Variants in ZNF316 observed in about 807,000 individuals in gnomAD.
The protein encoded by ZNF316 is zinc finger protein 316.
ZNF316 carries 23 observed loss-of-function variants against 75.6 expected under a neutral mutation model. The observed-to-expected ratio is 0.30, with a 90% CI of 0.22 to 0.43. The LOEUF (loss-of-function observed/expected upper bound fraction) is 0.43. ZNF316 is among the 20% of genes least tolerant of loss of function. The pLI is 1.00. For synonymous variants in ZNF316, 827 were observed against 666.2 expected (o/e 1.24, Z -3.72); for missense variants, 1,266 against 1,409.4 (o/e 0.90, Z 1.63).
intron 8 of ZNF316, among the ~76,000 whole-genome samples, chr7:6,649,895 G>A (rs1352135817): frequency 1.3e-5 from 2 of 152,200 alleles, no homozygotes; most frequent in African/African-American, 4.8e-5. Flanking sequence ...AGGATTCCCT[G>A]CTGCGATCAG....
intron 8 of ZNF316, among the ~76,000 whole-genome samples, chr7:6,647,385 C>T (rs770936001): frequency 6.6e-6 from 1 of 152,262 alleles, no homozygotes; most frequent in African/African-American, 2.4e-5. Flanking sequence ...ATCCCCCTGA[C>T]AGTTTGCAGA....
chr7:6,657,371 T>C lies in ZNF316; in HGVS notation c.*2760T>C, dbSNP rs1346479866. ...ATAGTGGTATGCATCTGTAGTCCCA[T>C]CTACTTGGGAGGCTGAGGTGGGAGG... On this transcript the variant is annotated 3_prime_UTR_variant, in exon 9 of 9. Transcript: ENST00000382252. Among the ~76,000 whole-genome samples, 1 of 142,312 alleles carries C rather than the reference T, an allele frequency of 7.0e-6. No homozygotes were observed. Among genetic ancestry groups the C allele is most frequent in the Non-Finnish European group, 1.5e-5 (1 of 65,320 alleles). 93.4% of individuals were successfully genotyped at this position (142,312 alleles called of 152,430 possible). A position where few individuals can be genotyped will look rare whatever the true frequency, so the allele number is the denominator to read the frequency against.
intron 2 of ZNF316, 35 bp downstream of exon 2, chr7:6,638,044 G>C (rs1200139724): frequency 1.3e-5 from 2 of 152,524 alleles, no homozygotes; most frequent in East Asian, 3.9e-4. Context: ...GATTGGATGG[G>C]GTCTGGGCTG....
rs1779630761 is a variant in ZNF316, at chr7:6,656,534, TTTTCTC to T, written c.*1927_*1932del. ...GTTTCTGCAAACATTTTTTAAAAGA[TTTTCTC>T]TTTTAAGAAATTAGAATGGGTCCTA... On this transcript the variant is annotated 3_prime_UTR_variant, in exon 9 of 9. Coordinates refer to ENST00000382252, the MANE Select transcript of ZNF316 (RefSeq NM_001278559.2). 1 of 152,252 alleles carries T rather than the reference TTTTCTC, an allele frequency of 6.6e-6. No homozygotes were observed. The highest frequency in any genetic ancestry group is 2.1e-4 in the South Asian group (1 of 4,836). The allele number at this position is 152,252 out of a possible 1,614,324, so 9.4% of individuals were successfully genotyped here.
chr7:6,646,567 C>T (rs531027709), intron 8 of ZNF316, among the ~76,000 whole-genome samples: 1 of 152,198 alleles, frequency 6.6e-6, no homozygotes, highest in Non-Finnish European at 1.5e-5. Context: ...GTGCCTCCTG[C>T]ATCCCCTGCG....
intron 8 of ZNF316, among the ~76,000 whole-genome samples, chr7:6,648,941 T>TG (rs1562582025): frequency 6.6e-6 from 1 of 151,960 alleles, no homozygotes; most frequent in African/African-American, 2.4e-5. Context: ...TGGAGGGAGG[T>TG]GGGGGGATCG....
At position 6,653,319 on chromosome 7, in the gene ZNF316, G is replaced by C; in HGVS notation, c.1723G>C (p.Glu575Gln). 11 of 1,226,786 alleles carry C rather than the reference G, an allele frequency of 9.0e-6. No homozygotes were observed. Among genetic ancestry groups the C allele is most frequent in the Non-Finnish European group, 1.0e-5 (10 of 985,326 alleles). The allele number at this position is 1,226,786 out of a possible 1,614,324, so 76.0% of individuals were successfully genotyped here. A position where few individuals can be genotyped will look rare whatever the true frequency, so the allele number is the denominator to read the frequency against. Reference sequence around the variant, plus strand: ...CAGCGGCAAGGTGGACCCCGCGCCGGAACGGCGCTTCCTGGAGCTGGGCAA... The same window carrying C: ...CAGCGGCAAGGTGGACCCCGCGCCGCAACGGCGCTTCCTGGAGCTGGGCAA... The part of the protein sequence containing the change: ...TPSGKVDPAP[E>Q]RRFLELGNGL... Residue 575 changes from glutamate (E) to glutamine (Q), a missense_variant, in exon 9 of 9, where the codon GAA becomes CAA. Physicochemically the swap from Glu to Gln is conservative, Grantham distance 29. Transcript: ENST00000382252.
chr7:6,652,606 C>T lies in ZNF316; in HGVS notation c.1010C>T (p.Ala337Val), dbSNP rs922155577. ...LSPWAFPAAV[A>V]PPAGRPETTC... is the part of the protein sequence containing the mutation. ...CCCTGGGCGTTCCCCGCCGCAGTGGCCCCGCCGGCCGGGAGGCCGGAGACC... is the reference window on the plus strand; with the variant it reads ...CCCTGGGCGTTCCCCGCCGCAGTGGTCCCGCCGGCCGGGAGGCCGGAGACC... Residue 337 changes from alanine to valine, a missense_variant, in exon 9 of 9, where the codon GCC (alanine) becomes GTC (valine). This residue lies in a region of ZNF316 where 961 missense variants were observed against 990.9 expected (regional missense o/e 0.97). Transcript: ENST00000382252. 4.1e-6 allele frequency: 5 copies of T among 1,230,328 alleles called. No homozygotes were observed. The highest frequency in any genetic ancestry group is 3.1e-5 in the African/African-American group (2 of 64,346). The allele number at this position is 1,230,328 out of a possible 1,614,324, so 76.2% of individuals were successfully genotyped here.
In ZNF316 at chr7:6,653,532, A is replaced by C; in HGVS notation, c.1936A>C (p.Thr646Pro). Reference protein sequence around the residue: ...LGGPLSLVEGTGLACDPFGGG... With the variant: ...LGGPLSLVEGPGLACDPFGGG... ...GGGCCCGCTCTCCCTGGTGGAGGGTACCGGGCTGGCGTGCGACCCTTTCGG... is the reference window on the plus strand; with the variant it reads ...GGGCCCGCTCTCCCTGGTGGAGGGTCCCGGGCTGGCGTGCGACCCTTTCGG... The change falls in exon 9 of 9, where the codon ACC (threonine) becomes CCC (proline). Residue 646 changes from threonine (T) to proline (P), a missense_variant. By Grantham distance (38) the Thr-to-Pro change is conservative (BLOSUM62 -1). Coordinates refer to ENST00000382252, the MANE Select transcript of ZNF316 (RefSeq NM_001278559.2). The C allele has an allele frequency of 8.2e-7, 1 of 1,214,498 alleles. No homozygotes were observed. 75.2% of individuals were successfully genotyped at this position (1,214,498 alleles called of 1,614,324 possible).
In ZNF316 at chr7:6,638,466, G is replaced by A. The variant is rs115416131; in HGVS notation, c.-267+457G>A. Among the ~76,000 whole-genome samples, 774 of 152,334 alleles carry A rather than the reference G, an allele frequency of 5.1e-3. 3 individuals carry two copies. Among genetic ancestry groups the A allele is most frequent in the African/African-American group, 0.017 (708 of 41,560 alleles). On this transcript the variant is annotated intron_variant, in intron 2 of 8. Transcript: ENST00000382252. ...CACACCCCCACATCTCCCGCTCTCT[G>A]AGTTGGGTTTCCCTGGCTTTGGAGC...
intron 8 of ZNF316, among the ~76,000 whole-genome samples, chr7:6,647,950 C>A (rs1338916692): frequency 1.3e-5 from 2 of 152,200 alleles, no homozygotes; most frequent in African/African-American, 4.8e-5. Context: ...GTGCCCAGGG[C>A]AGGGCACTTA....
chr7:6,649,176 C>G (rs1015404147), intron 8 of ZNF316, among the ~76,000 whole-genome samples: 1 of 152,188 alleles, frequency 6.6e-6, no homozygotes, highest in East Asian at 1.9e-4. Flanking sequence ...ATCGGCCTCT[C>G]CTTTTTATCA....
intron 8 of ZNF316, among the ~76,000 whole-genome samples, chr7:6,652,075 C>A (rs1008610521): frequency 6.6e-6 from 1 of 152,156 alleles, no homozygotes; most frequent in African/African-American, 2.4e-5. Flanking sequence ...TGCTGCGTGT[C>A]CCCAGGTTCC....
At chr7:6,648,834 T>C (rs1779455214) in intron 8 of ZNF316, among the ~76,000 whole-genome samples, 1 of 138,890 alleles carries the variant, frequency 7.2e-6, no homozygotes, top group South Asian at 2.8e-4. Context: ...AGGGGAGTAG[T>C]GAGCCTTGAG....
chr7:6,649,860 C>T (rs919539666), intron 8 of ZNF316, among the ~76,000 whole-genome samples: 2 of 152,166 alleles, frequency 1.3e-5, no homozygotes, highest in African/African-American at 4.8e-5. Flanking sequence ...GGGATGGGGG[C>T]TCCCTGCCTA....
rs1316828038 is a variant in ZNF316, at chr7:6,653,613, G to A, written c.2017G>A (p.Gly673Arg). 2 of 1,061,928 alleles carry A rather than the reference G, an allele frequency of 1.9e-6. No homozygotes were observed. The highest frequency in any genetic ancestry group is 1.7e-5 in the African/African-American group (1 of 57,958). 65.8% of individuals were successfully genotyped at this position (1,061,928 alleles called of 1,614,324 possible). Residue 673 changes from glycine to arginine, a missense_variant, in exon 9 of 9, where the codon GGG (glycine) becomes AGG (arginine). Around this residue, in one of 3 missense-constraint regions of ZNF316, gnomAD observed 961 missense variants for 990.9 expected, o/e 0.97. Coordinates refer to ENST00000382252, the MANE Select transcript of ZNF316 (RefSeq NM_001278559.2). The part of the protein sequence containing the change: ...GGLRAFGPAI[G>R]GLLAEPAPAA... ...CCTGCGCGCGTTCGGGCCCGCCATCGGGGGTCTGCTGGCGGAGCCCGCGCC... is the reference window on the plus strand; with the variant it reads ...CCTGCGCGCGTTCGGGCCCGCCATCAGGGGTCTGCTGGCGGAGCCCGCGCC...
Position 6,653,750 on chromosome 7 carries a change from G to T in ZNF316, c.2154G>T (p.Pro718=), listed in dbSNP as rs1779564268. 1 of 1,093,782 alleles carries T rather than the reference G, an allele frequency of 9.1e-7. No homozygotes were observed. The highest frequency in any genetic ancestry group is 1.1e-6 in the Non-Finnish European group (1 of 898,046). The allele number at this position is 1,093,782 out of a possible 1,614,324, so 67.8% of individuals were successfully genotyped here. Residue 718 remains proline, a synonymous_variant, in exon 9 of 9, where the codon CCG becomes CCT. Transcript: ENST00000382252. ...AGCGCTACCACGCGGGCGAGCGGCC[G>T]CATCGCTGCGCCGACTGCGGCAAGA... ...KHQRYHAGER[P]HRCADCGKSF...
rs528735299 is a variant in ZNF316, at chr7:6,658,140, C to G, written c.*3529C>G. Among the ~76,000 whole-genome samples the G allele has an allele frequency of 9.2e-5, 14 of 152,260 alleles. No individual in the cohort carries two copies. Among genetic ancestry groups the G allele is most frequent in the African/African-American group, 3.1e-4 (13 of 41,556 alleles). On this transcript the variant is annotated 3_prime_UTR_variant, in exon 9 of 9. Transcript: ENST00000382252. ...AACCTCCTTCCTTTTCTGATTCATT[C>G]CTTTTATCCTGATCTTTTCACTTAA...
At chr7:6,646,359 G>C (rs1180977758) in intron 8 of ZNF316, among the ~76,000 whole-genome samples, 1 of 152,208 alleles carries the variant, frequency 6.6e-6, no homozygotes, top group African/African-American at 2.4e-5. Flanking sequence ...GGAAGAGAAG[G>C]GGACACAGAC....
Sources: gnomAD v4.1 joint callset for allele counts (sites outside exome capture counted in the v4.1 genomes callset) on GRCh38, gnomAD v4.1.1 for gene constraint, gnomAD v4.1.1 regional missense constraint, MANE v1.5 for transcripts, NCBI Gene and HGNC (gene_info 2026-07-23, HGNC 2026-07-21) for gene names.